SMYD3: variants seen among roughly 807,000 people sequenced by gnomAD.
The protein encoded by SMYD3 is histone-lysine N-methyltransferase SMYD3.
SMYD3 carries 36 observed loss-of-function variants against 57.7 expected under a neutral mutation model. That is an observed-to-expected ratio of 0.62 (90% CI 0.48 to 0.82). The LOEUF (loss-of-function observed/expected upper bound fraction) is 0.82. SMYD3 is among the 40% of genes least tolerant of loss of function. SMYD3 has a pLI of 0.00. For synonymous variants in SMYD3, 211 were observed against 195.0 expected, an observed-to-expected ratio of 1.08 and a Z score of -0.68; for missense variants, 515 against 538.8, an observed-to-expected ratio of 0.96 and a Z score of 0.44.
At chr1:246,267,652 TCAGA>T (rs2064134379) in intron 5 of SMYD3, among the ~76,000 whole-genome samples, 1 of 152,250 alleles carries the variant, frequency 6.6e-6, no homozygotes, top group South Asian at 2.1e-4. Flanking sequence ...TCTTTAAGGG[TCAGA>T]CATTGTGCTT....
rs923366508 is a variant in SMYD3, at chr1:245,923,079, G to A, written c.702+4852C>T. The stretch of plus-strand genomic sequence containing the variant: ...GAATGAAAGGCAAAGGAAACATCAC[G>A]TTTCAATCATATGGTTCAACGAGTT... On this transcript the variant is annotated intron_variant, in intron 7 of 11. Transcript: ENST00000490107. 4.6e-5 allele frequency among the ~76,000 whole-genome samples: 7 copies of A among 152,056 alleles called. No homozygotes were observed. In the East Asian group the frequency reaches 5.8e-4, roughly 13 times the overall value.
At chr1:246,332,553 C>T (rs1026978601) in intron 3 of SMYD3, among the ~76,000 whole-genome samples, 2 of 152,248 alleles carry the variant, frequency 1.3e-5, no homozygotes, top group Admixed American at 6.5e-5. Context: ...CGCCCACAAT[C>T]TCAGCACTTT....
intron 8 of SMYD3, among the ~76,000 whole-genome samples, chr1:245,906,673 C>G (rs554970050): frequency 6.6e-6 from 1 of 152,130 alleles, no homozygotes; most frequent in Non-Finnish European, 1.5e-5. Context: ...ATCAGCTTAT[C>G]GAAGAGGTAT....
rs1415541496 is a variant in SMYD3 at position 246,203,338 on chromosome 1, C to T, written c.531+123863G>A. ...CAGCCACCATCAGACACAATCTCTGCTCCATCAATTCTCTCCCGCTTCTGG... is the reference window on the plus strand; with the variant it reads ...CAGCCACCATCAGACACAATCTCTGTTCCATCAATTCTCTCCCGCTTCTGG... On this transcript the variant is annotated intron_variant, in intron 5 of 11. Transcript: ENST00000490107. This position sits in a 1 kb window ranked among gnomAD's most constrained non-coding sequence, Gnocchi z 4.6. Among the ~76,000 whole-genome samples, 7 of 152,174 alleles carry T rather than the reference C, an allele frequency of 4.6e-5. No individual in the cohort carries two copies. Among genetic ancestry groups the T allele is most frequent in the Admixed American group, 4.6e-4 (7 of 15,276 alleles).
chr1:246,138,998 G>A (rs1202434685), intron 5 of SMYD3, among the ~76,000 whole-genome samples: 1 of 152,126 alleles, frequency 6.6e-6, no homozygotes, highest in Non-Finnish European at 1.5e-5. Flanking sequence ...TACAGAGGAA[G>A]GGGTTTTTAT....
intron 5 of SMYD3, among the ~76,000 whole-genome samples, chr1:246,305,343 C>T (rs550188340): frequency 6.6e-6 from 1 of 152,304 alleles, no homozygotes; most frequent in South Asian, 2.1e-4. Context: ...CATTTCAACA[C>T]AAGCCTCAGC....
At chr1:245,977,268 C>T (rs1280785930) in intron 5 of SMYD3, among the ~76,000 whole-genome samples, 1 of 152,228 alleles carries the variant, frequency 6.6e-6, no homozygotes, top group Non-Finnish European at 1.5e-5. Flanking sequence ...TGGCCTAACA[C>T]GGCTCCGCTT....
At chr1:246,282,101 C>A (rs889237324) in intron 5 of SMYD3, among the ~76,000 whole-genome samples, 1 of 151,950 alleles carries the variant, frequency 6.6e-6, no homozygotes, top group Non-Finnish European at 1.5e-5. Context: ...AATATGTATA[C>A]TTTACTTATA....
At chr1:245,895,247 A>G (rs1047329800) in intron 8 of SMYD3, among the ~76,000 whole-genome samples, 1 of 152,214 alleles carries the variant, frequency 6.6e-6, no homozygotes, top group Non-Finnish European at 1.5e-5. Context: ...GAAGCAAGAC[A>G]CAGGTAACAT....
At chr1:245,821,016 G>A (rs1024641103) in intron 10 of SMYD3, among the ~76,000 whole-genome samples, 6 of 151,016 alleles carry the variant, frequency 4.0e-5, no homozygotes, top group Admixed American at 4.0e-4. Flanking sequence ...AGCTACCAAT[G>A]CCTTTCTTCA....
At chr1:246,029,439 A>T (rs2059628313) in intron 5 of SMYD3, among the ~76,000 whole-genome samples, 1 of 152,156 alleles carries the variant, frequency 6.6e-6, no homozygotes, top group African/African-American at 2.4e-5. Flanking sequence ...TGGGAGACAG[A>T]GGCGGGCAGA....
intron 7 of SMYD3, among the ~76,000 whole-genome samples, chr1:245,921,547 G>GTATATATATATATATATA (rs1491323831): frequency 0.025 from 861 of 34,742 alleles, 58 homozygotes; most frequent in East Asian, 0.1. Flanking sequence ...AAAAAATGTG[G>GTATATATATATATATATA]TGTATATATA....
intron 5 of SMYD3, among the ~76,000 whole-genome samples, chr1:246,287,019 C>T (rs910946140): frequency 6.6e-5 from 10 of 151,598 alleles, no homozygotes; most frequent in Admixed American, 1.3e-4. Flanking sequence ...TACAGTTGTG[C>T]GCCACCAGGA....
At chr1:245,889,200 C>A (rs916726320) in intron 8 of SMYD3, among the ~76,000 whole-genome samples, 1 of 152,134 alleles carries the variant, frequency 6.6e-6, no homozygotes, top group South Asian at 2.1e-4. Flanking sequence ...AAAGCATAAG[C>A]CTTCAAGTTC....
At position 246,194,071 on chromosome 1, in the gene SMYD3, C is replaced by G. The variant is rs2062788889; in HGVS notation, c.531+133130G>C. ...TTTATGTACTTCTCTATAACTGCAGCTCTAAAGGTTCCTCATACCATCATG... is the reference window on the plus strand; with the variant it reads ...TTTATGTACTTCTCTATAACTGCAGGTCTAAAGGTTCCTCATACCATCATG... On this transcript the variant is annotated intron_variant, in intron 5 of 11. Coordinates refer to ENST00000490107, the MANE Select transcript of SMYD3 (RefSeq NM_001167740.2). Among the ~76,000 whole-genome samples, 4 of 152,136 alleles carry G rather than the reference C, an allele frequency of 2.6e-5. No individual in the cohort carries two copies. The South Asian group carries it at 6.2e-4, about 24-fold the overall frequency.
At chr1:246,435,464 G>A (rs761440791) in intron 1 of SMYD3, among the ~76,000 whole-genome samples, 8 of 151,892 alleles carry the variant, frequency 5.3e-5, no homozygotes, top group Non-Finnish European at 1.0e-4. Flanking sequence ...ACAAAACAAA[G>A]CAGCAAAATG....
intron 5 of SMYD3, among the ~76,000 whole-genome samples, chr1:246,092,645 C>A (rs2060843023): frequency 6.6e-6 from 1 of 152,106 alleles, no homozygotes; most frequent in African/African-American, 2.4e-5. Context: ...CAACCCAAAG[C>A]TATGAAGCTA....
At chr1:246,149,807 G>C (rs1160775430) in intron 5 of SMYD3, among the ~76,000 whole-genome samples, 2 of 152,176 alleles carry the variant, frequency 1.3e-5, no homozygotes, top group Non-Finnish European at 2.9e-5. Context: ...ACGATTCTAA[G>C]GAGCATCCTT....
intron 2 of SMYD3, among the ~76,000 whole-genome samples, chr1:246,341,263 T>C (rs566513969): frequency 4.6e-5 from 7 of 152,334 alleles, no homozygotes; most frequent in African/African-American, 1.4e-4. Flanking sequence ...CTTTTTAATG[T>C]TTATTTTGGA....
Sources: allele counts gnomAD v4.1 joint callset (sites outside exome capture counted in the v4.1 genomes callset), GRCh38; gene constraint gnomAD v4.1.1; non-coding constraint Gnocchi (gnomAD v3.1); transcripts MANE v1.5; gene names NCBI Gene and HGNC (gene_info 2026-07-23, HGNC 2026-07-21).